MAGI2: variants seen among roughly 807,000 people sequenced by gnomAD.
MAGI2 encodes membrane associated guanylate kinase, WW and PDZ domain containing 2.
MAGI2 carries 35 observed loss-of-function variants against 133.3 expected under a neutral mutation model. The observed-to-expected ratio is 0.26, with a 90% confidence interval of 0.20 to 0.35. The LOEUF is 0.35. Among genes scored for constraint, MAGI2 ranks in the 10% least tolerant of loss-of-function variants. The pLI is 1.00. For missense variants in MAGI2, 1,636 were observed against 1,863.4 expected (o/e 0.88, Z 2.25); for synonymous variants, 729 against 710.6 (o/e 1.03, Z -0.41).
chr7:79,018,512 A>C (rs1403709455), intron 1 of MAGI2, among the ~76,000 whole-genome samples: 4 of 152,210 alleles, frequency 2.6e-5, no homozygotes, highest in African/African-American at 9.6e-5. Flanking sequence ...TTACGAGCTA[A>C]CAACCTGATG....
intron 10 of MAGI2, among the ~76,000 whole-genome samples, chr7:78,230,776 G>GGAAGT: frequency 6.6e-6 from 1 of 152,254 alleles, no homozygotes; most frequent in South Asian, 2.1e-4. Context: ...TAAAAACCCT[G>GGAAGT]GAAGTGTGAC....
chr7:79,313,607 C>CA (rs1838465935), intron 1 of MAGI2, among the ~76,000 whole-genome samples: 1 of 152,058 alleles, frequency 6.6e-6, no homozygotes, highest in Non-Finnish European at 1.5e-5. Flanking sequence ...CAAAAGATTA[C>CA]AAAAACCAGG....
At chr7:78,358,972 C>A (rs923918598) in intron 7 of MAGI2, 1 of 152,814 alleles carries the variant, frequency 6.5e-6, no homozygotes, top group South Asian at 2.0e-4. Context: ...CCTGCATCAC[C>A]GCCCTGGGAT....
chr7:78,063,580 C>T (rs902666104), intron 21 of MAGI2, among the ~76,000 whole-genome samples: 22 of 152,236 alleles, frequency 1.4e-4, no homozygotes, highest in Admixed American at 1.4e-3. Flanking sequence ...TTCATTTTGG[C>T]TATCCCCCTT....
chr7:79,086,909 A>T (rs1816554287), intron 1 of MAGI2, among the ~76,000 whole-genome samples: 1 of 151,738 alleles, frequency 6.6e-6, no homozygotes, highest in African/African-American at 2.4e-5. Context: ...TTTAGTCCAC[A>T]TTTCTCTTAG....
chr7:79,055,824 T>A (rs773440347), intron 1 of MAGI2, among the ~76,000 whole-genome samples: 19 of 152,228 alleles, frequency 1.2e-4, no homozygotes, highest in Non-Finnish European at 2.5e-4. Context: ...TTTATAAAAC[T>A]CCTTGTTTAT....
At chr7:78,317,828 T>G (rs1301510387) in intron 9 of MAGI2, among the ~76,000 whole-genome samples, 3 of 152,188 alleles carry the variant, frequency 2.0e-5, no homozygotes, top group African/African-American at 7.2e-5. Flanking sequence ...TAGCCTCTGC[T>G]GGTGATACCC....
chr7:79,322,842 T>C (rs1839302075), intron 1 of MAGI2, among the ~76,000 whole-genome samples: 2 of 152,012 alleles, frequency 1.3e-5, no homozygotes, highest in South Asian at 4.2e-4. Flanking sequence ...TGACTTTATA[T>C]TTGTTAAACA....
intron 1 of MAGI2, among the ~76,000 whole-genome samples, chr7:79,277,927 T>C (rs1235059519): frequency 6.6e-6 from 1 of 152,076 alleles, no homozygotes; most frequent in African/African-American, 2.4e-5. Flanking sequence ...GTTTCATAAG[T>C]GACAATTAGC....
intron 2 of MAGI2, among the ~76,000 whole-genome samples, chr7:78,713,947 TTTCTG>T (rs142396552): frequency 0.013 from 1,914 of 152,200 alleles, 20 homozygotes; most frequent in Non-Finnish European, 0.02. Context: ...GCTTCCTCGT[TTTCTG>T]TTATTTCTTT....
chr7:78,125,064 C>T (rs1244573394), intron 20 of MAGI2, among the ~76,000 whole-genome samples: 1 of 152,088 alleles, frequency 6.6e-6, no homozygotes, highest in African/African-American at 2.4e-5. Flanking sequence ...TGGGGTTTCA[C>T]AGTGTTAGCC....
chr7:78,751,100 A>G (rs1288099859), intron 2 of MAGI2, among the ~76,000 whole-genome samples: 1 of 152,208 alleles, frequency 6.6e-6, no homozygotes, highest in Admixed American at 6.5e-5. Context: ...CTTGATTCCC[A>G]TAAGAAATGA....
intron 1 of MAGI2, among the ~76,000 whole-genome samples, chr7:79,396,385 T>A (rs947275539): frequency 2.6e-5 from 4 of 152,194 alleles, no homozygotes; most frequent in African/African-American, 9.6e-5. Context: ...AACTGCCCAC[T>A]GACCAGGAAA....
chr7:78,910,660 C>A (rs1400748732), intron 2 of MAGI2, among the ~76,000 whole-genome samples: 1 of 152,140 alleles, frequency 6.6e-6, no homozygotes, highest in Non-Finnish European at 1.5e-5. Context: ...ATTCCAACTT[C>A]CTAACGTGGG....
chr7:78,468,500 G>A (rs905821692), intron 6 of MAGI2, among the ~76,000 whole-genome samples: 4 of 151,962 alleles, frequency 2.6e-5, no homozygotes, highest in African/African-American at 9.7e-5. Flanking sequence ...TGTCATTCTT[G>A]CTTTTACATA....
intron 4 of MAGI2, among the ~76,000 whole-genome samples, chr7:78,516,543 G>A (rs926250764): frequency 3.9e-5 from 6 of 152,112 alleles, no homozygotes; most frequent in Non-Finnish European, 7.4e-5. Flanking sequence ...TGTAGACACA[G>A]GATTTTGTCA....
chr7:78,997,542 C>A (rs374338395), intron 2 of MAGI2, among the ~76,000 whole-genome samples: 15 of 147,746 alleles, frequency 1.0e-4, no homozygotes, highest in African/African-American at 3.3e-4. Flanking sequence ...GTGGAGATTG[C>A]GGTGAGCCGA....
chr7:79,205,981 G>A (rs1829018801), intron 1 of MAGI2, among the ~76,000 whole-genome samples: 2 of 150,986 alleles, frequency 1.3e-5, no homozygotes, highest in African/African-American at 4.9e-5. Flanking sequence ...AGGATCTATG[G>A]GTCAATGAGT....
chr7:78,023,367 GCCT>G (rs1276759330), intron 21 of MAGI2, among the ~76,000 whole-genome samples: 1 of 152,022 alleles, frequency 6.6e-6, no homozygotes, highest in Non-Finnish European at 1.5e-5. Context: ...CTGTTTCCCT[GCCT>G]CCTCCTTCCC....
Sources: allele counts gnomAD v4.1 joint callset (sites outside exome capture counted in the v4.1 genomes callset), GRCh38; gene constraint gnomAD v4.1.1; transcripts MANE v1.5; gene names NCBI Gene and HGNC (gene_info 2026-07-23, HGNC 2026-07-21).